The following TRPC4 variants were observed in gnomAD, a reference collection of about 807,000 sequenced individuals.
TRPC4 encodes transient receptor potential cation channel subfamily C member 4, also known as short transient receptor potential channel 4.
A neutral mutation model predicts 99.4 loss-of-function variants in TRPC4; 49 were observed. The ratio of observed to expected loss-of-function variants is 0.49; its 90% CI spans 0.39 to 0.63. The LOEUF (loss-of-function observed/expected upper bound fraction) is 0.63, where lower values mean the gene tolerates loss of function less well. Ranked by LOEUF, TRPC4 falls within the 20% of genes least tolerant of loss-of-function variation. The pLI is 0.00. For missense variants in TRPC4, 898 were observed against 1,152.9 expected (o/e 0.78, Z 3.20); for synonymous variants, 454 against 425.9 (o/e 1.07, Z -0.81).
At chr13:37,691,259 G>A (rs1256345391) in intron 4 of TRPC4, among the ~76,000 whole-genome samples, 3 of 151,954 alleles carry the variant, frequency 2.0e-5, no homozygotes, top group African/African-American at 2.4e-5. Flanking sequence ...CCGCCACCAC[G>A]CCCGGCTAAT....
intron 2 of TRPC4, among the ~76,000 whole-genome samples, chr13:37,781,171 C>G (rs1428083375): frequency 6.6e-6 from 1 of 152,076 alleles, no homozygotes; most frequent in East Asian, 1.9e-4. Context: ...TAAAGAGACA[C>G]TGAAATTTAT....
chr13:37,742,209 G>A (rs934079120), intron 3 of TRPC4, among the ~76,000 whole-genome samples: 2 of 152,118 alleles, frequency 1.3e-5, no homozygotes, highest in African/African-American at 2.4e-5. Context: ...AATTAACACA[G>A]AGCTTTCTCT....
chr13:37,807,579 G>A (rs1957557488), intron 1 of TRPC4, among the ~76,000 whole-genome samples: 1 of 151,910 alleles, frequency 6.6e-6, no homozygotes, highest in Admixed American at 6.6e-5. Flanking sequence ...TGAGGGCAAG[G>A]CATTCAATTC....
intron 1 of TRPC4, among the ~76,000 whole-genome samples, chr13:37,866,615 A>C (rs1436653856): frequency 6.6e-6 from 1 of 151,814 alleles, no homozygotes. Context: ...GTTCTCAAAA[A>C]TTAGGTCTAT....
intron 3 of TRPC4, among the ~76,000 whole-genome samples, chr13:37,724,840 T>C (rs917463281): frequency 6.6e-6 from 1 of 152,184 alleles, no homozygotes; most frequent in East Asian, 1.9e-4. Flanking sequence ...AATTTGTTAT[T>C]TAATGAGTAC....
intron 2 of TRPC4, among the ~76,000 whole-genome samples, chr13:37,774,492 C>A (rs894870706): frequency 6.6e-6 from 1 of 151,664 alleles, no homozygotes; most frequent in East Asian, 1.9e-4. Context: ...TTGAAAAGAA[C>A]ATTTATTTAT....
chr13:37,698,311 G>A (rs150338783), intron 3 of TRPC4, among the ~76,000 whole-genome samples: 1,943 of 150,720 alleles, frequency 0.013, 26 homozygotes, highest in Middle Eastern at 0.024. Context: ...ACAGGTGCCC[G>A]CCACCACACC....
chr13:37,777,531 T>A (rs1015434780), intron 2 of TRPC4, among the ~76,000 whole-genome samples: 4 of 151,940 alleles, frequency 2.6e-5, no homozygotes, highest in African/African-American at 9.6e-5. Flanking sequence ...GGGATTAAAT[T>A]CAACATGAGA....
At chr13:37,779,687 T>C (rs528965923) in intron 2 of TRPC4, among the ~76,000 whole-genome samples, 7 of 152,016 alleles carry the variant, frequency 4.6e-5, no homozygotes, top group Non-Finnish European at 8.8e-5. Context: ...ATCATCTACA[T>C]AACAATCCCA....
chr13:37,812,384 A>C (rs1338770952), intron 1 of TRPC4, among the ~76,000 whole-genome samples: 1 of 151,924 alleles, frequency 6.6e-6, no homozygotes, highest in Non-Finnish European at 1.5e-5. Context: ...AATTTAATGA[A>C]TCTAAACTCA....
chr13:37,654,959 T>G, intron 7 of TRPC4, 129 bp downstream of exon 7: 1 of 714,100 alleles, frequency 1.4e-6, no homozygotes. Context: ...AATTAACCAT[T>G]TATAATTCTT....
intron 1 of TRPC4, 94 bp from the exon 2 acceptor site, chr13:37,783,454 A>C: frequency 1.0e-6 from 1 of 966,142 alleles, no homozygotes; most frequent in Non-Finnish European, 1.4e-6. Context: ...GATATCAATA[A>C]CAACAATACC....
At chr13:37,697,439 G>A (rs943449902) in intron 3 of TRPC4, among the ~76,000 whole-genome samples, 5 of 152,194 alleles carry the variant, frequency 3.3e-5, no homozygotes, top group African/African-American at 1.2e-4. Context: ...GACAGTGACA[G>A]CTTCGTAAGT....
intron 3 of TRPC4, among the ~76,000 whole-genome samples, chr13:37,743,047 A>AT (rs750945579): frequency 6.6e-6 from 1 of 152,046 alleles, no homozygotes; most frequent in African/African-American, 2.4e-5. Flanking sequence ...TTTCGTTTTC[A>AT]TTTTTTTCTC....
chr13:37,675,982 T>C (rs1473648038), intron 4 of TRPC4, among the ~76,000 whole-genome samples: 1 of 152,160 alleles, frequency 6.6e-6, no homozygotes, highest in African/African-American at 2.4e-5. Flanking sequence ...CACCCTAAGC[T>C]GTGGCATATG....
chr13:37,867,336 T>C (rs1442996978), intron 1 of TRPC4, among the ~76,000 whole-genome samples: 1 of 151,994 alleles, frequency 6.6e-6, no homozygotes, highest in African/African-American at 2.4e-5. Context: ...AGAGAAATTA[T>C]TTCAGTTTTC....
At chr13:37,647,138 G>T (rs994069673) in intron 8 of TRPC4, among the ~76,000 whole-genome samples, 3 of 152,170 alleles carry the variant, frequency 2.0e-5, no homozygotes, top group Non-Finnish European at 2.9e-5. Flanking sequence ...CTCCTAGAGA[G>T]TGGCCAATGT....
intron 1 of TRPC4, among the ~76,000 whole-genome samples, chr13:37,812,665 G>C (rs1957736073): frequency 6.6e-6 from 1 of 151,974 alleles, no homozygotes; most frequent in African/African-American, 2.4e-5. Context: ...TATTTAATTA[G>C]TGCCTCTTGA....
rs79427966 is a variant in TRPC4, at chr13:37,845,340, A to T, written c.-28+24255T>A. Among the ~76,000 whole-genome samples the T allele has an allele frequency of 8.9e-3, 1,357 of 152,290 alleles. 35 individuals carry two copies. The East Asian group carries it at 0.1, about 11-fold the overall frequency. ...AATGGAGATCTATAAAATGACTAACAAAAAATTCAGAACACTACTCAAAGA... is the reference window on the plus strand; with the variant it reads ...AATGGAGATCTATAAAATGACTAACTAAAAATTCAGAACACTACTCAAAGA... On this transcript the variant is annotated intron_variant, in intron 1 of 10. Coordinates refer to ENST00000379705, the MANE Select transcript of TRPC4 (RefSeq NM_016179.4).
Sources: allele counts gnomAD v4.1 joint callset (sites outside exome capture counted in the v4.1 genomes callset), GRCh38; gene constraint gnomAD v4.1.1; transcripts MANE v1.5; gene names NCBI Gene and HGNC (gene_info 2026-07-23, HGNC 2026-07-21).